C22orf42: variants seen among roughly 807,000 people sequenced by gnomAD.
C22orf42 encodes the protein uncharacterized protein C22orf42.
Under a neutral mutation model 31.4 loss-of-function variants are expected in C22orf42, and 24 were observed. The ratio of observed to expected loss-of-function variants is 0.77; its 90% CI spans 0.55 to 1.08. C22orf42 has a LOEUF of 1.08. C22orf42 is among the 50% of genes least tolerant of loss of function. C22orf42 has a pLI of 0.00. For synonymous variants in C22orf42, 96 were observed against 112.7 expected (o/e 0.85, Z 0.94); for missense variants, 276 against 327.3 (o/e 0.84, Z 1.21).
chr22:32,150,791 G>T (rs2094111716), intron 6 of C22orf42: 3 of 654,332 alleles, frequency 4.6e-6, no homozygotes, highest in South Asian at 3.7e-5. Context: ...AGATCCAGGG[G>T]TGTGGGAGTT....
chr22:32,150,918 CACTT>C, intron 6 of C22orf42, 70 bp downstream of exon 6: 1 of 1,445,292 alleles, frequency 6.9e-7, no homozygotes, highest in Non-Finnish European at 9.7e-7. Context: ...AACGCTGAAT[CACTT>C]ACGTTAAATG....
Position 32,158,998 on chromosome 22 carries a change from A to ATCTTCG in C22orf42, c.217_218insCGAAGA (p.Leu73delinsProLysMet), listed in dbSNP as rs747747191. On this transcript the variant is annotated protein_altering_variant, in exon 1 of 9. Transcript: ENST00000382097. ...GGCTTCTTTACCTTTGGACATCTTCAGCATCTTCGGCGTCTTCGGGAGGCT... is the reference window on the plus strand; with the variant it reads ...GGCTTCTTTACCTTTGGACATCTTCATCTTCGGCATCTTCGGCGTCTTCGGGAGGCT... The ATCTTCG allele has an allele frequency of 6.2e-7, 1 of 1,613,626 alleles. No individual in the cohort carries two copies. Among genetic ancestry groups the ATCTTCG allele is most frequent in the East Asian group, 2.2e-5 (1 of 44,876 alleles).
intron 6 of C22orf42, 158 bp from the exon 7 acceptor site, chr22:32,150,637 G>A (rs113161437): frequency 6.9e-5 from 49 of 709,454 alleles, no homozygotes; most frequent in African/African-American, 5.7e-4. Context: ...CTGAAGGAAG[G>A]CAAAGGAGAA....
chr22:32,155,270 C>T (rs1395949170), intron 1 of C22orf42, among the ~76,000 whole-genome samples: 1 of 152,188 alleles, frequency 6.6e-6, no homozygotes, highest in Non-Finnish European at 1.5e-5. Context: ...AGGTGGCTTA[C>T]TGCATTTACT....
intron 5 of C22orf42, 124 bp downstream of exon 5, chr22:32,151,363 G>A (rs574003838): frequency 6.2e-6 from 6 of 967,050 alleles, no homozygotes; most frequent in South Asian, 3.0e-5. Context: ...GTGACCGGTC[G>A]CTAGAGTCCA....
At chr22:32,152,172 A>G in intron 3 of C22orf42, 78 bp from the exon 4 acceptor site, 1 of 1,518,128 alleles carries the variant, frequency 6.6e-7, no homozygotes, top group Non-Finnish European at 8.9e-7. Context: ...CCTTTTATTC[A>G]CTTGGTGAAA....
At chr22:32,157,676 G>A (rs1297814) in intron 1 of C22orf42, among the ~76,000 whole-genome samples, 1 of 152,214 alleles carries the variant, frequency 6.6e-6, no homozygotes, top group African/African-American at 2.4e-5. Flanking sequence ...GAACCAAGAG[G>A]CAAAAAACAG....
At chr22:32,153,998 C>T (rs111646859) in intron 2 of C22orf42, among the ~76,000 whole-genome samples, 3,110 of 148,272 alleles carry the variant, frequency 0.021, 34 homozygotes, top group South Asian at 0.034. Flanking sequence ...CACTCCTGGG[C>T]GACAAATGAG....
intron 4 of C22orf42, 144 bp from the exon 5 acceptor site, chr22:32,151,695 T>C: frequency 1.3e-6 from 1 of 786,656 alleles, no homozygotes; most frequent in Non-Finnish European, 2.2e-6. Context: ...ACCATTCTCC[T>C]TGGTGCTGAA....
chr22:32,156,756 A>T (rs1440773859), intron 1 of C22orf42, among the ~76,000 whole-genome samples: 1 of 146,126 alleles, frequency 6.8e-6, no homozygotes, highest in African/African-American at 2.6e-5. Context: ...CTAGTCCCTT[A>T]CTAGACATTT....
At chr22:32,153,572 A>G (rs1168709943) in intron 2 of C22orf42, among the ~76,000 whole-genome samples, 1 of 152,164 alleles carries the variant, frequency 6.6e-6, no homozygotes. Context: ...AATGATTAAT[A>G]TCTTTTCAAA....
intron 1 of C22orf42, among the ~76,000 whole-genome samples, chr22:32,158,008 A>G (rs1308304863): frequency 1.3e-5 from 2 of 152,266 alleles, no homozygotes; most frequent in Non-Finnish European, 2.9e-5. Context: ...TGAAATCAAT[A>G]GAAAACCCTG....
intron 1 of C22orf42, among the ~76,000 whole-genome samples, chr22:32,155,401 G>A (rs1200909456): frequency 6.6e-6 from 1 of 151,454 alleles, no homozygotes; most frequent in East Asian, 1.9e-4. Flanking sequence ...ACTCTATTTT[G>A]GGTGATTTTA....
chr22:32,159,251 C>G lies in C22orf42; in HGVS notation c.-36G>C, dbSNP rs1555974983. On this transcript the variant is annotated 5_prime_UTR_variant, in exon 1 of 9. Coordinates refer to ENST00000382097, the MANE Select transcript of C22orf42 (RefSeq NM_001010859.3). ...AACACACAAAAAAGTCCAAGAGGCA[C>G]AAGGACAGAATGTAGTCGGAGCTCC... 9 of 1,605,680 alleles carry G rather than the reference C, an allele frequency of 5.6e-6. No homozygotes were observed. The South Asian group carries it at 9.9e-5, about 18-fold the overall frequency.
chr22:32,159,132 A>G lies in C22orf42; in HGVS notation c.84T>C (p.His28=). Residue 28 remains histidine, a synonymous_variant, in exon 1 of 9, where the codon CAT becomes CAC. Transcript: ENST00000382097. The stretch of plus-strand genomic sequence containing the variant: ...CCACAGTCTCAGGAATCTCACACTC[A>G]TGGCAGGGTCCCACATCTGGCCTGC... ...DCCRPDVGPC[H]ECEIPETVAA... The G allele has an allele frequency of 1.9e-6, 3 of 1,614,178 alleles. No homozygotes were observed. Among genetic ancestry groups the G allele is most frequent in the East Asian group, 2.2e-5 (1 of 44,884 alleles).
chr22:32,153,448 A>C (rs1921077726), intron 2 of C22orf42, among the ~76,000 whole-genome samples: 2 of 152,256 alleles, frequency 1.3e-5, no homozygotes, highest in African/African-American at 4.8e-5. Context: ...ATCTGTGCTC[A>C]CAATTGGATA....
At chr22:32,153,140 GA>G in intron 2 of C22orf42, among the ~76,000 whole-genome samples, 1 of 152,170 alleles carries the variant, frequency 6.6e-6, no homozygotes, top group Admixed American at 6.5e-5. Context: ...TCAATAATGA[GA>G]AATATCTAAA....
At chr22:32,152,697 G>T (rs1387488593) in intron 2 of C22orf42, 71 bp from the exon 3 acceptor site, 1 of 1,444,652 alleles carries the variant, frequency 6.9e-7, no homozygotes. Flanking sequence ...CCTGGGGGAT[G>T]TGGACCGGGG....
chr22:32,153,496 AG>A (rs1250401184), intron 2 of C22orf42, among the ~76,000 whole-genome samples: 2 of 152,270 alleles, frequency 1.3e-5, no homozygotes, highest in African/African-American at 4.8e-5. Context: ...AATCTATTTT[AG>A]AAGACCAAAA....
Sources: allele counts gnomAD v4.1 joint callset (sites outside exome capture counted in the v4.1 genomes callset), GRCh38; gene constraint gnomAD v4.1.1; transcripts MANE v1.5; gene names NCBI Gene and HGNC (gene_info 2026-07-23, HGNC 2026-07-21).